Variants in HIGD2B observed in about 807,000 individuals in gnomAD.
HIGD2B encodes the protein HIG1 hypoxia inducible domain family member 2B, also known as HIG1 domain family member 2B.
For missense variants in HIGD2B, 106 were observed against 67.0 expected, an observed-to-expected ratio of 1.58 and a Z score of -2.03; for synonymous variants, 45 against 28.1, an observed-to-expected ratio of 1.60 and a Z score of -1.90.
In HIGD2B at chr15:72,675,879, A is replaced by G; in HGVS notation, c.*175T>C. Reference sequence around the variant, plus strand: ...AAATAGAAATATGTAACATTCAAACAACAGAATCTGGGATTTTTGAAAAAA... The same window carrying G: ...AAATAGAAATATGTAACATTCAAACGACAGAATCTGGGATTTTTGAAAAAA... On this transcript the variant is annotated 3_prime_UTR_variant, in exon 3 of 3. Coordinates refer to ENST00000311755, the MANE Select transcript of HIGD2B (RefSeq NM_001350932.3). The G allele has an allele frequency of 1.7e-6, 1 of 579,604 alleles. No individual in the cohort carries two copies. The highest frequency in any genetic ancestry group is 2.2e-5 in the South Asian group (1 of 45,254). The allele number at this position is 579,604 out of a possible 1,614,324, so 35.9% of individuals were successfully genotyped here. A position where few individuals can be genotyped will look rare whatever the true frequency, so the allele number is the denominator to read the frequency against.
intron 1 of HIGD2B, among the ~76,000 whole-genome samples, chr15:72,684,333 C>A (rs1471442773): frequency 6.6e-6 from 1 of 151,506 alleles, no homozygotes; most frequent in East Asian, 1.9e-4. Context: ...ACATTTATGG[C>A]CTATGCCCTA....
rs762583654 is a variant in HIGD2B, at chr15:72,676,234, C to T, written c.141G>A (p.Pro47=). The T allele has an allele frequency of 2.2e-5, 17 of 766,690 alleles. No individual in the cohort carries two copies. The highest frequency in any genetic ancestry group is 8.5e-5 in the African/African-American group (5 of 59,094). The allele number at this position is 766,690 out of a possible 1,614,324, so 47.5% of individuals were successfully genotyped here. A position where few individuals can be genotyped will look rare whatever the true frequency, so the allele number is the denominator to read the frequency against. Residue 47 remains proline, a synonymous_variant, in exon 3 of 3, where the codon CCG becomes CCA. Transcript: ENST00000311755. The stretch of plus-strand genomic sequence containing the variant: ...TGCACAGGAAACCTATGGGTACCAC[C>T]GGATTCTCGCGGGTCTTGCGAAGGA... ...EKFLRKTREN[P]VVPIGFLCTA...
intron 1 of HIGD2B, among the ~76,000 whole-genome samples, chr15:72,681,297 A>G (rs1250485654): frequency 6.6e-6 from 1 of 152,142 alleles, no homozygotes; most frequent in Non-Finnish European, 1.5e-5. Context: ...TTTCCAGAAA[A>G]TCCAGTATTG....
At position 72,676,013 on chromosome 15, in the gene HIGD2B, G is replaced by T. The variant is rs1410831247; in HGVS notation, c.*41C>A. ...ATGGTAGGGCCAGTGGTTGCTCCTGGGTTTTGGAATGATTTCTGCAGAGTT... is the reference window on the plus strand; with the variant it reads ...ATGGTAGGGCCAGTGGTTGCTCCTGTGTTTTGGAATGATTTCTGCAGAGTT... On this transcript the variant is annotated 3_prime_UTR_variant, in exon 3 of 3. Coordinates refer to ENST00000311755, the MANE Select transcript of HIGD2B (RefSeq NM_001350932.3). The T allele has an allele frequency of 1.4e-6, 1 of 692,652 alleles. No homozygotes were observed. Among genetic ancestry groups the T allele is most frequent in the South Asian group, 1.5e-5 (1 of 65,788 alleles). 42.9% of individuals were successfully genotyped at this position (692,652 alleles called of 1,614,324 possible). A position where few individuals can be genotyped will look rare whatever the true frequency, so the allele number is the denominator to read the frequency against.
intron 1 of HIGD2B, among the ~76,000 whole-genome samples, chr15:72,683,954 C>T (rs955446967): frequency 6.7e-6 from 1 of 149,626 alleles, no homozygotes; most frequent in African/African-American, 2.5e-5. Context: ...AGTGCAGTGG[C>T]ACGATCTCGG....
chr15:72,676,134 T>C lies in HIGD2B; in HGVS notation c.241A>G (p.Thr81Ala), dbSNP rs763376820. ...GTGAAGCCCTGGGCGGCGATCTGGG[T>C]GTGCATCATAAGCCGTGAACATTGG... is the stretch of plus-strand genomic sequence containing the variant. The part of the protein sequence containing the change: ...NSQCSRLMMH[T>A]QIAAQGFTIA... Residue 81 changes from threonine (T) to alanine (A), a missense_variant, in exon 3 of 3, where the codon ACC (threonine) becomes GCC (alanine). Thr to Ala is a moderately conservative substitution (Grantham distance 58). Transcript: ENST00000311755. The C allele has an allele frequency of 1.3e-6, 1 of 765,494 alleles. No individual in the cohort carries two copies. The highest frequency in any genetic ancestry group is 2.4e-5 in the East Asian group (1 of 41,126). 47.4% of individuals were successfully genotyped at this position (765,494 alleles called of 1,614,324 possible).
intron 1 of HIGD2B, among the ~76,000 whole-genome samples, chr15:72,685,191 T>C (rs2064803418): frequency 6.6e-6 from 1 of 152,220 alleles, no homozygotes; most frequent in South Asian, 2.1e-4. Context: ...TCTATGTAAC[T>C]CTAATTGTCA....
Position 72,686,020 on chromosome 15 carries a change from C to A in HIGD2B, c.-395G>T, listed in dbSNP as rs2064822749. The A allele has an allele frequency of 6.2e-6, 4 of 642,958 alleles. No individual in the cohort carries two copies. In the African/African-American group the frequency reaches 7.2e-5, roughly 12 times the overall value. The allele number at this position is 642,958 out of a possible 1,614,324, so 39.8% of individuals were successfully genotyped here. ...TAGGGGCTTCTCGGGATAAAGGCAG[C>A]GAGTGGCTGCGCATTCCCTCCCCGA... On this transcript the variant is annotated 5_prime_UTR_variant, in exon 1 of 3. Transcript: ENST00000311755.
At chr15:72,681,573 G>A (rs1425318415) in intron 1 of HIGD2B, among the ~76,000 whole-genome samples, 4 of 136,550 alleles carry the variant, frequency 2.9e-5, no homozygotes, top group African/African-American at 1.1e-4. Flanking sequence ...AGAAAATCTT[G>A]TTTTCCTGTG....
chr15:72,676,791 G>A (rs1204521891), intron 2 of HIGD2B, among the ~76,000 whole-genome samples: 2 of 152,134 alleles, frequency 1.3e-5, no homozygotes, highest in African/African-American at 4.8e-5. Context: ...TAGATTAGTG[G>A]CTGCAGGGGT....
chr15:72,686,175 C>A lies in HIGD2B; in HGVS notation c.-550G>T, dbSNP rs760667037. On this transcript the variant is annotated 5_prime_UTR_variant, in exon 1 of 3. Coordinates refer to ENST00000311755, the MANE Select transcript of HIGD2B (RefSeq NM_001350932.3). The stretch of plus-strand genomic sequence containing the variant: ...ACAGCCCTACGACTTCCGCTTGCCT[C>A]GTCGTCTGGGAAACCGCCGACTTCC... 9.1e-6 allele frequency: 14 copies of A among 1,533,314 alleles called. No homozygotes were observed. Among genetic ancestry groups the A allele is most frequent in the Non-Finnish European group, 1.2e-5 (14 of 1,135,020 alleles). 95.0% of individuals were successfully genotyped at this position (1,533,314 alleles called of 1,614,324 possible).
At chr15:72,683,855 T>G (rs1006671181) in intron 1 of HIGD2B, among the ~76,000 whole-genome samples, 1 of 151,362 alleles carries the variant, frequency 6.6e-6, no homozygotes, top group Non-Finnish European at 1.5e-5. Context: ...ACAAAAAAAC[T>G]AAGCACTGTG....
chr15:72,681,762 A>G (rs2064753207), intron 1 of HIGD2B, among the ~76,000 whole-genome samples: 2 of 151,842 alleles, frequency 1.3e-5, no homozygotes, highest in African/African-American at 4.8e-5. Context: ...GCCTGCCACC[A>G]CACCTTGCTA....
chr15:72,681,175 C>G (rs2064745758), intron 1 of HIGD2B, among the ~76,000 whole-genome samples: 1 of 152,134 alleles, frequency 6.6e-6, no homozygotes, highest in African/African-American at 2.4e-5. Flanking sequence ...GCCCTGTACT[C>G]TCCAAGCAGA....
chr15:72,680,764 TG>T (rs1326126705), intron 1 of HIGD2B, among the ~76,000 whole-genome samples: 2 of 152,190 alleles, frequency 1.3e-5, no homozygotes, highest in African/African-American at 4.8e-5. Flanking sequence ...GGCAGATGCC[TG>T]TAATTCCAGC....
Position 72,685,810 on chromosome 15 carries a change from T to G in HIGD2B, c.-193+8A>C. Reference sequence around the variant, plus strand: ...ATAGTGACAGCCAAGAAACGGGGAGTTTTGTACCTAAGGCGAGAAAGAAAT... The same window carrying G: ...ATAGTGACAGCCAAGAAACGGGGAGGTTTGTACCTAAGGCGAGAAAGAAAT... On this transcript the variant is annotated splice_region_variant and intron_variant, in intron 1 of 2. Transcript: ENST00000311755. 9 of 296,656 alleles carry G rather than the reference T, an allele frequency of 3.0e-5. No homozygotes were observed. Among genetic ancestry groups the G allele is most frequent in the South Asian group, 6.8e-5 (2 of 29,500 alleles). The allele number at this position is 296,656 out of a possible 1,614,324, so 18.4% of individuals were successfully genotyped here. A position where few individuals can be genotyped will look rare whatever the true frequency, so the allele number is the denominator to read the frequency against.
intron 1 of HIGD2B, among the ~76,000 whole-genome samples, chr15:72,684,630 G>A (rs1399661942): frequency 6.6e-6 from 1 of 152,128 alleles, no homozygotes; most frequent in Non-Finnish European, 1.5e-5. Context: ...TGGGATTACA[G>A]GAGCCGGCCA....
chr15:72,675,841 G>A lies in HIGD2B; in HGVS notation c.*213C>T. On this transcript the variant is annotated 3_prime_UTR_variant, in exon 3 of 3. Transcript: ENST00000311755. The stretch of plus-strand genomic sequence containing the variant: ...AGTTTATTAAGCAGGGGAGTGGAGG[G>A]AAGATGTGGCACAAATAGAAATATG... 2 of 545,616 alleles carry A rather than the reference G, an allele frequency of 3.7e-6. No homozygotes were observed. Among genetic ancestry groups the A allele is most frequent in the Non-Finnish European group, 6.5e-6 (2 of 308,042 alleles). 33.8% of individuals were successfully genotyped at this position (545,616 alleles called of 1,614,324 possible).
Position 72,676,959 on chromosome 15 carries a change from A to C in HIGD2B, c.-13-572T>G, listed in dbSNP as rs554937358. ...CACAGAACTAAATACACACAAATGA[A>C]GTAAAAGTGGGGAAGTCTAAATCAG... On this transcript the variant is annotated intron_variant, in intron 2 of 2. Transcript: ENST00000311755. Among the ~76,000 whole-genome samples, 83 of 152,316 alleles carry C rather than the reference A, an allele frequency of 5.4e-4. 1 individual carries two copies. The South Asian group carries it at 0.017, about 30-fold the overall frequency.
Sources: allele counts gnomAD v4.1 joint callset (sites outside exome capture counted in the v4.1 genomes callset), GRCh38; gene constraint gnomAD v4.1.1; transcripts MANE v1.5; gene names NCBI Gene and HGNC (gene_info 2026-07-23, HGNC 2026-07-21).